The following SLC38A10 variants were observed in gnomAD, a reference collection of about 807,000 sequenced individuals.
SLC38A10 encodes Sodium-coupled neutral amino acid transporter 10.
In SLC38A10, 53 loss-of-function variants were observed where a neutral mutation model predicts 81.0. The observed-to-expected ratio is 0.65, with a 90% confidence interval of 0.53 to 0.82. SLC38A10 has a LOEUF of 0.82. SLC38A10 is among the 40% of genes least tolerant of loss of function. The pLI is 0.00. For synonymous variants in SLC38A10, 665 were observed against 655.3 expected (o/e 1.01, Z -0.23); for missense variants, 1,471 against 1,545.0 (o/e 0.95, Z 0.80).
chr17:81,268,246 C>G (rs2063085789), intron 10 of SLC38A10, among the ~76,000 whole-genome samples: 1 of 152,074 alleles, frequency 6.6e-6, no homozygotes, highest in Non-Finnish European at 1.5e-5. Context: ...TGCCTATCCC[C>G]TGTATGATGG....
chr17:81,254,514 T>C (rs2725400), intron 11 of SLC38A10, among the ~76,000 whole-genome samples: 152,068 of 152,346 alleles, frequency 1, 75,899 homozygotes, highest in Middle Eastern at 1. Flanking sequence ...GTGGCACAAT[T>C]TCGGCTCACT....
chr17:81,261,179 G>A (rs1055479047), intron 10 of SLC38A10, among the ~76,000 whole-genome samples: 12 of 152,326 alleles, frequency 7.9e-5, no homozygotes, highest in South Asian at 2.1e-4. Context: ...GTGCCGCCTC[G>A]GTGACTCTGA....
intron 1 of SLC38A10, among the ~76,000 whole-genome samples, chr17:81,292,741 G>A (rs991531088): frequency 3.9e-5 from 6 of 152,196 alleles, no homozygotes; most frequent in Admixed American, 6.5e-5. Context: ...CATGGCAGGT[G>A]GTCCAAGGCT....
At position 81,276,679 on chromosome 17, in the gene SLC38A10, G is replaced by A. The variant is rs978247805; in HGVS notation, c.729+352C>T. Among the ~76,000 whole-genome samples, 3 of 152,050 alleles carry A rather than the reference G, an allele frequency of 2.0e-5. No individual in the cohort carries two copies. Among genetic ancestry groups the A allele is most frequent in the East Asian group, 1.9e-4 (1 of 5,168 alleles). ...TGCTGGGATTACAGGTGTGAGCAAC[G>A]GCGCCCGGCCGGAACATGCCCATTT... is the stretch of plus-strand genomic sequence containing the variant. On this transcript the variant is annotated intron_variant, in intron 7 of 15. Coordinates refer to ENST00000374759, the MANE Select transcript of SLC38A10 (RefSeq NM_001037984.3). The surrounding 1 kb of genome is among the most constrained non-coding windows in gnomAD (Gnocchi z 4.7).
At chr17:81,284,394 T>G (rs1175712503) in intron 3 of SLC38A10, among the ~76,000 whole-genome samples, 1 of 152,032 alleles carries the variant, frequency 6.6e-6, no homozygotes, top group Non-Finnish European at 1.5e-5. Flanking sequence ...GTTAGTCAAG[T>G]TAAGAGAACA....
In SLC38A10 at chr17:81,275,987, C is replaced by T. The variant is rs375260189; in HGVS notation, c.894G>A (p.Thr298=). The T allele has an allele frequency of 1.3e-5, 21 of 1,613,472 alleles. No individual in the cohort carries two copies. The Admixed American group carries it at 2.0e-4, about 15-fold the overall frequency. The stretch of plus-strand genomic sequence containing the variant: ...GTCTTACCTGCTGCTCACACAGCAG[C>T]GTGCTCAGGGCCTGCCTGCATGGCA... The part of the protein sequence containing the change: ...MILPCRQALS[T]LLCEQQQKDG... Residue 298 remains threonine, a synonymous_variant, in exon 8 of 16, where the codon ACG becomes ACA. Transcript: ENST00000374759.
Position 81,245,167 on chromosome 17 carries a change from C to T in SLC38A10, c.*389G>A, listed in dbSNP as rs768082164. 5.1e-5 allele frequency: 11 copies of T among 213,860 alleles called. No homozygotes were observed. Among genetic ancestry groups the T allele is most frequent in the Admixed American group, 1.1e-4 (2 of 18,876 alleles). The allele number at this position is 213,860 out of a possible 1,614,324, so 13.2% of individuals were successfully genotyped here. On this transcript the variant is annotated 3_prime_UTR_variant, in exon 16 of 16. Coordinates refer to ENST00000374759, the MANE Select transcript of SLC38A10 (RefSeq NM_001037984.3). ...GAGCAGCCATGCGCACCTCCACGCA[C>T]GGCCGAGCTCAACCCGAAGACCACG... is the stretch of plus-strand genomic sequence containing the variant.
At chr17:81,284,545 T>A (rs183767933) in intron 3 of SLC38A10, among the ~76,000 whole-genome samples, 1 of 152,154 alleles carries the variant, frequency 6.6e-6, no homozygotes, top group Non-Finnish European at 1.5e-5. Context: ...AAGAAAAATA[T>A]GACATTTGCA....
chr17:81,263,977 C>T (rs1014420023), intron 10 of SLC38A10: 1 of 152,304 alleles, frequency 6.6e-6, no homozygotes, highest in South Asian at 2.1e-4. Flanking sequence ...AGAACTCTGC[C>T]GGGGACTGGG....
chr17:81,279,044 C>T (rs1032026981), intron 6 of SLC38A10, among the ~76,000 whole-genome samples: 19 of 152,252 alleles, frequency 1.2e-4, no homozygotes, highest in African/African-American at 2.7e-4. Flanking sequence ...TGGCCCCAGA[C>T]GGAGCATCCC....
rs1050043191 is a variant in SLC38A10 at position 81,283,189 on chromosome 17, C to A, written c.357+220G>T. Among the ~76,000 whole-genome samples, 4 of 152,134 alleles carry A rather than the reference C, an allele frequency of 2.6e-5. No individual in the cohort carries two copies. Among genetic ancestry groups the A allele is most frequent in the Admixed American group, 1.3e-4 (2 of 15,280 alleles). Reference sequence around the variant, plus strand: ...GGCTCCCCCACCCGCCCCTCATCTACATGGTGTCAGACTCTGCCTGGCTTG... The same window carrying A: ...GGCTCCCCCACCCGCCCCTCATCTAAATGGTGTCAGACTCTGCCTGGCTTG... On this transcript the variant is annotated intron_variant, in intron 4 of 15. Coordinates refer to ENST00000374759, the MANE Select transcript of SLC38A10 (RefSeq NM_001037984.3). This position sits in a 1 kb window ranked among gnomAD's most constrained non-coding sequence, Gnocchi z 4.7.
At chr17:81,268,549 G>A (rs1394677666) in intron 10 of SLC38A10, among the ~76,000 whole-genome samples, 2 of 151,892 alleles carry the variant, frequency 1.3e-5, no homozygotes, top group Non-Finnish European at 1.5e-5. Flanking sequence ...GGGATTACAG[G>A]AGTGAGCCAC....
At chr17:81,258,392 C>T (rs1039678997) in intron 11 of SLC38A10, among the ~76,000 whole-genome samples, 4 of 152,190 alleles carry the variant, frequency 2.6e-5, no homozygotes, top group African/African-American at 7.2e-5. Flanking sequence ...TTGTTACAGC[C>T]TCGTGGAAGA....
intron 6 of SLC38A10, among the ~76,000 whole-genome samples, chr17:81,278,563 G>A (rs770973547): frequency 1.4e-4 from 21 of 152,288 alleles, no homozygotes; most frequent in Non-Finnish European, 2.8e-4. Context: ...GGCTAGAAGG[G>A]AGCTAAGTGG....
rs1392726268 is a variant in SLC38A10 at position 81,289,980 on chromosome 17, T to C, written c.100-172A>G. Among the ~76,000 whole-genome samples the C allele has an allele frequency of 6.6e-6, 1 of 152,196 alleles. No individual in the cohort carries two copies. The highest frequency in any genetic ancestry group is 2.4e-5 in the African/African-American group (1 of 41,446). The stretch of plus-strand genomic sequence containing the variant: ...TGAAAGGGCCATTTCCTTGCTGTGG[T>C]GGCCGCGCGCCTTGTCCAGGGATGA... On this transcript the variant is annotated intron_variant, in intron 1 of 15. Transcript: ENST00000374759. The surrounding 1 kb of genome is among the most constrained non-coding windows in gnomAD (Gnocchi z 5.9).
rs116161451 is a variant in SLC38A10 at position 81,272,485 on chromosome 17, C to T, written c.1024+31G>A. ...TGATGCCGAAGCCCCGGGTCCCACTCCCCGGCAACAGGGCAGCCCTCCCGC... is the reference window on the plus strand; with the variant it reads ...TGATGCCGAAGCCCCGGGTCCCACTTCCCGGCAACAGGGCAGCCCTCCCGC... On this transcript the variant is annotated intron_variant, in intron 9 of 15. Transcript: ENST00000374759. 1,700 of 1,511,718 alleles carry T rather than the reference C, an allele frequency of 1.1e-3. 15 individuals are homozygous for T. The African/African-American group carries it at 0.021, about 19-fold the overall frequency. 93.6% of individuals were successfully genotyped at this position (1,511,718 alleles called of 1,614,324 possible).
In SLC38A10 at chr17:81,282,265, A is replaced by G. The variant is rs1462308758; in HGVS notation, c.425T>C (p.Leu142Pro). 1 of 1,613,622 alleles carries G rather than the reference A, an allele frequency of 6.2e-7. No individual in the cohort carries two copies. Among genetic ancestry groups the G allele is most frequent in the Non-Finnish European group, 8.5e-7 (1 of 1,180,036 alleles). The change falls in exon 5 of 16, where the codon CTG (leucine) becomes CCG (proline). Residue 142 changes from leucine (L) to proline (P), a missense_variant. Coordinates refer to ENST00000374759, the MANE Select transcript of SLC38A10 (RefSeq NM_001037984.3). ...GATGGAGGCCATCATGTTCCGCTGC[A>G]GGCTGAGCGGGAGCACGATGCACAG... is the stretch of plus-strand genomic sequence containing the variant. The part of the protein sequence containing the change: ...VSLCIVLPLS[L>P]QRNMMASIQS...
chr17:81,285,209 C>A, intron 2 of SLC38A10: 1 of 264,678 alleles, frequency 3.8e-6, no homozygotes, highest in East Asian at 7.6e-5. Flanking sequence ...CCACTGGGGG[C>A]CGGCTGGAAA....
intron 6 of SLC38A10, chr17:81,279,767 T>C (rs147476999): frequency 1.3e-5 from 2 of 156,348 alleles, no homozygotes; most frequent in Non-Finnish European, 2.8e-5. Flanking sequence ...ACTAGGTACG[T>C]GGCGGAAGAA....
Sources: gnomAD v4.1 joint callset for allele counts (sites outside exome capture counted in the v4.1 genomes callset) on GRCh38, gnomAD v4.1.1 for gene constraint, Gnocchi (gnomAD v3.1) non-coding constraint, MANE v1.5 for transcripts, NCBI Gene and HGNC (gene_info 2026-07-23, HGNC 2026-07-21) for gene names.